CDH2: variants seen among roughly 807,000 people sequenced by gnomAD.
The protein encoded by CDH2 is cadherin-2.
A neutral mutation model predicts 92.0 loss-of-function variants in CDH2; 17 were observed. The ratio of observed to expected loss-of-function variants is 0.18; its 90% CI spans 0.13 to 0.28. The LOEUF (loss-of-function observed/expected upper bound fraction) is 0.28, where lower values mean the gene tolerates loss of function less well. CDH2 is among the 10% of genes least tolerant of loss of function. The probability of loss-of-function intolerance (pLI) is 1.00; values close to 1 mark genes in which losing one functional copy is unlikely to be tolerated. For synonymous variants in CDH2, 419 were observed against 415.9 expected, an observed-to-expected ratio of 1.01 and a Z score of -0.09; for missense variants, 862 against 1,133.1, an observed-to-expected ratio of 0.76 and a Z score of 3.44.
At chr18:27,974,877 T>G (rs1369091799) in intron 14 of CDH2, among the ~76,000 whole-genome samples, 1 of 152,178 alleles carries the variant, frequency 6.6e-6, no homozygotes, top group Non-Finnish European at 1.5e-5. Flanking sequence ...GATCTAGAAC[T>G]GTAAGAAATA....
intron 6 of CDH2, among the ~76,000 whole-genome samples, chr18:27,938,651 T>C (rs1297667659): frequency 6.6e-6 from 1 of 152,214 alleles, no homozygotes; most frequent in Non-Finnish European, 1.5e-5. Context: ...CCTTTCACTC[T>C]AGTAAGTTAT....
At position 28,046,194 on chromosome 18, in the gene CDH2, A is replaced by G. The variant is rs17535566; in HGVS notation, c.173-32285T>C. On this transcript the variant is annotated intron_variant, in intron 2 of 15. Transcript: ENST00000269141. Reference sequence around the variant, plus strand: ...CTAAATAATTTAAATACGGTGCATTACAGAGCAGCACCAGAAAAAAAGCTA... The same window carrying G: ...CTAAATAATTTAAATACGGTGCATTGCAGAGCAGCACCAGAAAAAAAGCTA... 2.8e-3 allele frequency among the ~76,000 whole-genome samples: 431 copies of G among 152,314 alleles called. 3 individuals carry two copies. The highest frequency in any genetic ancestry group is 9.9e-3 in the African/African-American group (412 of 41,558).
chr18:27,955,085 C>T (rs368206702), intron 15 of CDH2, among the ~76,000 whole-genome samples: 13 of 152,162 alleles, frequency 8.5e-5, no homozygotes, highest in African/African-American at 1.9e-4. Context: ...CTTTATAATA[C>T]AGACAACAGA....
At chr18:28,087,101 A>G (rs987976082) in intron 2 of CDH2, among the ~76,000 whole-genome samples, 1 of 152,204 alleles carries the variant, frequency 6.6e-6, no homozygotes, top group African/African-American at 2.4e-5. Context: ...TTACGACTGC[A>G]TCCTTTTCAT....
At chr18:28,070,460 C>A (rs964107576) in intron 2 of CDH2, among the ~76,000 whole-genome samples, 1 of 152,150 alleles carries the variant, frequency 6.6e-6, no homozygotes. Context: ...GCTCTCATTC[C>A]ATGGCACCAG....
At chr18:27,955,133 T>C (rs144641948) in intron 15 of CDH2, among the ~76,000 whole-genome samples, 1 of 152,172 alleles carries the variant, frequency 6.6e-6, no homozygotes, top group East Asian at 1.9e-4. Context: ...GTCATCTGCT[T>C]TACCACAATT....
intron 2 of CDH2, among the ~76,000 whole-genome samples, chr18:28,112,731 C>T (rs2015433147): frequency 6.6e-6 from 1 of 151,832 alleles, no homozygotes; most frequent in African/African-American, 2.4e-5. Context: ...ACAACAATTT[C>T]CCGAGGATCC....
intron 2 of CDH2, among the ~76,000 whole-genome samples, chr18:28,124,440 G>A (rs2015641692): frequency 6.6e-6 from 1 of 152,096 alleles, no homozygotes; most frequent in South Asian, 2.1e-4. Flanking sequence ...GGCCAAGCAT[G>A]TGTTTCCCAA....
intron 1 of CDH2, among the ~76,000 whole-genome samples, chr18:28,152,393 C>T (rs2144335900): frequency 6.6e-6 from 1 of 152,256 alleles, no homozygotes; most frequent in South Asian, 2.1e-4. Context: ...CCTTAAGGAG[C>T]TCAAGATTTA....
chr18:28,138,025 T>C (rs1485439906), intron 2 of CDH2, among the ~76,000 whole-genome samples: 1 of 151,960 alleles, frequency 6.6e-6, no homozygotes, highest in African/African-American at 2.4e-5. Flanking sequence ...ATTTAAAGAA[T>C]GTGTGTGTGT....
chr18:28,054,741 G>GT (rs1312232833), intron 2 of CDH2, among the ~76,000 whole-genome samples: 1 of 152,110 alleles, frequency 6.6e-6, no homozygotes, highest in East Asian at 1.9e-4. Flanking sequence ...CACTCTGTTT[G>GT]TTTTTTCCTG....
intron 15 of CDH2, among the ~76,000 whole-genome samples, chr18:27,957,382 T>G (rs1471981295): frequency 6.6e-6 from 1 of 152,060 alleles, no homozygotes; most frequent in Non-Finnish European, 1.5e-5. Flanking sequence ...CCAGAGTAGC[T>G]AGGACTACAG....
intron 15 of CDH2, among the ~76,000 whole-genome samples, chr18:27,960,746 A>AT (rs1478011076): frequency 3.3e-5 from 5 of 152,178 alleles, no homozygotes; most frequent in African/African-American, 1.2e-4. Flanking sequence ...ACAATGAGAC[A>AT]TTTTTCACAT....
Position 27,962,012 on chromosome 18 carries a change from CTTGAA to C in CDH2, c.2514+1340_2514+1344del. Among the ~76,000 whole-genome samples the C allele has an allele frequency of 2.0e-5, 3 of 152,246 alleles. 1 individual carries two copies. The South Asian group carries it at 6.2e-4, about 32-fold the overall frequency. On this transcript the variant is annotated intron_variant, in intron 15 of 15. Transcript: ENST00000269141. ...CCTACAGTCAGAAGATTCACTATAACTTGAATTGACAACCATCAGAATAACTCAAC... is the reference window on the plus strand; with the variant it reads ...CCTACAGTCAGAAGATTCACTATAACTTGACAACCATCAGAATAACTCAAC...
intron 13 of CDH2, 72 bp downstream of exon 13, chr18:27,984,928 G>T: frequency 8.3e-7 from 1 of 1,204,606 alleles, no homozygotes; most frequent in Non-Finnish European, 1.2e-6. Flanking sequence ...CCAGGCAATA[G>T]CAACACATGA....
chr18:28,113,996 T>C (rs1282192691), intron 2 of CDH2, among the ~76,000 whole-genome samples: 5 of 152,220 alleles, frequency 3.3e-5, no homozygotes, highest in East Asian at 3.9e-4. Flanking sequence ...TCAGATTTCA[T>C]AGTATTTAGT....
chr18:28,014,069 T>C (rs2144039087), intron 2 of CDH2, among the ~76,000 whole-genome samples, 160 bp from the exon 3 acceptor site: 1 of 152,294 alleles, frequency 6.6e-6, no homozygotes, highest in Non-Finnish European at 1.5e-5. Context: ...CAAAAGCATT[T>C]TCATACTATG....
At chr18:28,176,848 G>A (rs1192796005) in intron 1 of CDH2, 115 bp downstream of exon 1, 1 of 413,876 alleles carries the variant, frequency 2.4e-6, no homozygotes, top group East Asian at 1.4e-4. Context: ...GGCGCGGCGT[G>A]GCACCTCCCT....
In CDH2 at chr18:28,172,777, C is replaced by T. The variant is rs564088063; in HGVS notation, c.60+4186G>A. On this transcript the variant is annotated intron_variant, in intron 1 of 15. Coordinates refer to ENST00000269141, the MANE Select transcript of CDH2 (RefSeq NM_001792.5). The stretch of plus-strand genomic sequence containing the variant: ...CCAAAAGAACAAATCTGAATGTTAA[C>T]CTGGGAAAAATGGTAGTGTATATAC... Among the ~76,000 whole-genome samples the T allele has an allele frequency of 9.2e-5, 14 of 152,036 alleles. No homozygotes were observed. The South Asian group carries it at 2.7e-3, about 29-fold the overall frequency.
Sources: allele counts gnomAD v4.1 joint callset (sites outside exome capture counted in the v4.1 genomes callset), GRCh38; gene constraint gnomAD v4.1.1; transcripts MANE v1.5; gene names NCBI Gene and HGNC (gene_info 2026-07-23, HGNC 2026-07-21).